MAST2: variants seen among roughly 807,000 people sequenced by gnomAD.
The protein encoded by MAST2 is microtubule-associated serine/threonine-protein kinase 2.
MAST2 carries 70 observed loss-of-function variants against 147.4 expected under a neutral mutation model. The observed-to-expected ratio is 0.47, with a 90% CI of 0.39 to 0.58. MAST2 has a LOEUF of 0.58. Ranked by LOEUF, MAST2 falls within the 20% of genes least tolerant of loss-of-function variation. The pLI is 0.00. For missense variants in MAST2, 2,080 were observed against 2,302.3 expected (o/e 0.90, Z 1.98); for synonymous variants, 869 against 896.8 (o/e 0.97, Z 0.55).
intron 11 of MAST2, 31 bp downstream of exon 11, chr1:46,019,728 A>G (rs1377717011): frequency 1.3e-6 from 2 of 1,578,478 alleles, no homozygotes; most frequent in Non-Finnish European, 1.7e-6. Context: ...TCAGGTGGGC[A>G]GATTTAGAGG....
chr1:46,010,401 AACAG>A (rs1200746784), intron 9 of MAST2, among the ~76,000 whole-genome samples: 2 of 152,178 alleles, frequency 1.3e-5, no homozygotes, highest in Non-Finnish European at 2.9e-5. Context: ...GAAGAGCATA[AACAG>A]ACAGGCATGA....
intron 3 of MAST2, among the ~76,000 whole-genome samples, chr1:45,857,858 T>G (rs1451787024): frequency 6.8e-6 from 1 of 147,528 alleles, no homozygotes; most frequent in Non-Finnish European, 1.5e-5. Flanking sequence ...GTGTTTTTTT[T>G]TTTTTTTTTT....
intron 1 of MAST2, among the ~76,000 whole-genome samples, 183 bp from the exon 2 acceptor site, chr1:45,824,250 T>G (rs1644724525): frequency 6.6e-6 from 1 of 152,236 alleles, no homozygotes; most frequent in South Asian, 2.1e-4. Context: ...CAATATCCTG[T>G]GTCCTTTACA....
At chr1:46,008,785 A>T (rs1645594184) in intron 9 of MAST2, among the ~76,000 whole-genome samples, 2 of 152,182 alleles carry the variant, frequency 1.3e-5, no homozygotes, top group Non-Finnish European at 2.9e-5. Flanking sequence ...TTTGATAGAG[A>T]TTTCTTAAGC....
intron 4 of MAST2, among the ~76,000 whole-genome samples, chr1:45,890,705 G>T (rs1647618816): frequency 6.6e-6 from 1 of 152,214 alleles, no homozygotes; most frequent in African/African-American, 2.4e-5. Flanking sequence ...CAGATGGTAA[G>T]CTCCGTGAGG....
chr1:45,982,198 C>T lies in MAST2; in HGVS notation c.593-15526C>T, dbSNP rs1391237957. Among the ~76,000 whole-genome samples, 3 of 151,994 alleles carry T rather than the reference C, an allele frequency of 2.0e-5. No individual in the cohort carries two copies. The East Asian group carries it at 5.8e-4, about 29-fold the overall frequency. ...TGTATATTGGAGAAATAGAGAAAAC[C>T]CAATAAAAGTAGCACACATTTTTAG... On this transcript the variant is annotated intron_variant, in intron 5 of 28. Coordinates refer to ENST00000361297, the MANE Select transcript of MAST2 (RefSeq NM_015112.3).
chr1:45,821,910 AC>A, intron 1 of MAST2, among the ~76,000 whole-genome samples: 1 of 59,638 alleles, frequency 1.7e-5, no homozygotes, highest in Admixed American at 2.8e-4. Context: ...TTTTTTGGTG[AC>A]AGAGTGTTGC....
intron 3 of MAST2, among the ~76,000 whole-genome samples, chr1:45,854,630 T>C (rs1478318276): frequency 6.6e-6 from 1 of 152,170 alleles, no homozygotes; most frequent in African/African-American, 2.4e-5. Context: ...TAAAGAAATA[T>C]GAGATAAAGG....
At position 46,008,308 on chromosome 1, in the gene MAST2, C is replaced by T. The variant is rs745667421; in HGVS notation, c.915C>T (p.Ser305=). Residue 305 remains serine (S), a synonymous_variant, in exon 9 of 29, where the codon TCC becomes TCT. Coordinates refer to ENST00000361297, the MANE Select transcript of MAST2 (RefSeq NM_015112.3). The stretch of plus-strand genomic sequence containing the variant: ...CTTTCTTTTTTAGTCCCGGACGATC[C>T]CCAGTATCCTTTGACAGTGAAATAA... ...PRSRSLSPGR[S]PVSFDSEIIM... 6.2e-7 allele frequency: 1 copy of T among 1,611,104 alleles called. No homozygotes were observed. Among genetic ancestry groups the T allele is most frequent in the Admixed American group, 1.7e-5 (1 of 60,012 alleles).
chr1:45,924,804 T>C (rs995067403), intron 4 of MAST2, among the ~76,000 whole-genome samples: 13 of 152,164 alleles, frequency 8.5e-5, no homozygotes, highest in Admixed American at 7.9e-4. Flanking sequence ...CCAGTATGAC[T>C]TGTGTCCTTA....
At chr1:46,010,562 T>C (rs182084401) in intron 9 of MAST2, among the ~76,000 whole-genome samples, 168 bp from the exon 10 acceptor site, 225 of 152,308 alleles carry the variant, frequency 1.5e-3, no homozygotes, top group Non-Finnish European at 1.5e-3. Flanking sequence ...TTGACTTTAC[T>C]TGAAGGTGAT....
At chr1:46,019,734 AGAG>A (rs1392596866) in intron 11 of MAST2, 37 bp downstream of exon 11, 7 of 1,556,438 alleles carry the variant, frequency 4.5e-6, no homozygotes, top group African/African-American at 2.7e-5. Flanking sequence ...GGGCAGATTT[AGAG>A]GAGGACTATA....
At chr1:45,964,453 A>G (rs1660880742) in intron 5 of MAST2, among the ~76,000 whole-genome samples, 1 of 152,162 alleles carries the variant, frequency 6.6e-6, no homozygotes, top group Admixed American at 6.6e-5. Flanking sequence ...GGGAGGGGGT[A>G]TGTGTCGAGG....
intron 4 of MAST2, among the ~76,000 whole-genome samples, chr1:45,885,029 A>G (rs948332764): frequency 2.6e-5 from 4 of 152,338 alleles, no homozygotes; most frequent in Admixed American, 2.0e-4. Flanking sequence ...GGTAAGAACC[A>G]CAAAACAAAT....
At chr1:45,845,876 T>C (rs1255117787) in intron 3 of MAST2, among the ~76,000 whole-genome samples, 1 of 152,166 alleles carries the variant, frequency 6.6e-6, no homozygotes, top group Non-Finnish European at 1.5e-5. Flanking sequence ...TTTTCCCACC[T>C]CAGCCTCCTG....
At chr1:45,829,324 C>A in intron 2 of MAST2, 115 bp from the exon 3 acceptor site, 1 of 866,274 alleles carries the variant, frequency 1.2e-6, no homozygotes, top group Non-Finnish European at 1.6e-6. Flanking sequence ...TGGATGTGAA[C>A]AATTTTACTT....
rs775319237 is a variant in MAST2 at position 46,028,844 on chromosome 1, C to A, written c.2129C>A (p.Ala710Asp). 2.5e-6 allele frequency: 4 copies of A among 1,613,952 alleles called. No individual in the cohort carries two copies. The highest frequency in any genetic ancestry group is 3.4e-6 in the Non-Finnish European group (4 of 1,180,006). ...TATGGGAAGCCAGTGGACTGGTGGG[C>A]CATGGGCATTATCCTGTATGAGTTC... ...QGYGKPVDWW[A>D]MGIILYEFLV... Residue 710 changes from alanine (A) to aspartate (D), a missense_variant, in exon 18 of 29, where the codon GCC becomes GAC. Physicochemically the swap from Ala to Asp is moderately radical, Grantham distance 126. This residue lies in a region of MAST2 where 209 missense variants were observed against 309.5 expected (regional missense o/e 0.68). Transcript: ENST00000361297.
At chr1:45,880,088 TTAAC>T (rs1646778115) in intron 3 of MAST2, among the ~76,000 whole-genome samples, 1 of 152,182 alleles carries the variant, frequency 6.6e-6, no homozygotes, top group Admixed American at 6.5e-5. Context: ...TATCTACCCT[TTAAC>T]TGAGTAATTC....
At chr1:45,857,157 G>A (rs912863673) in intron 3 of MAST2, among the ~76,000 whole-genome samples, 2 of 152,026 alleles carry the variant, frequency 1.3e-5, no homozygotes, top group African/African-American at 4.8e-5. Flanking sequence ...GCTTTAAGAG[G>A]TCAGGGATTT....
Sources: gnomAD v4.1 joint callset for allele counts (sites outside exome capture counted in the v4.1 genomes callset) on GRCh38, gnomAD v4.1.1 for gene constraint, gnomAD v4.1.1 regional missense constraint, MANE v1.5 for transcripts, NCBI Gene and HGNC (gene_info 2026-07-23, HGNC 2026-07-21) for gene names.